The following ZNF592 variants were observed in gnomAD, a reference collection of about 807,000 sequenced individuals.
ZNF592 encodes zinc finger protein 592.
Under a neutral mutation model 80.3 loss-of-function variants are expected in ZNF592, and 11 were observed. That is an observed-to-expected ratio of 0.14 (90% CI 0.09 to 0.23). The LOEUF is 0.23. Ranked by LOEUF, ZNF592 falls within the 10% of genes least tolerant of loss-of-function variation. The probability of loss-of-function intolerance (pLI) is 1.00; values close to 1 mark genes in which losing one functional copy is unlikely to be tolerated. For missense variants in ZNF592, 1,420 were observed against 1,633.9 expected (o/e 0.87, Z 2.26); for synonymous variants, 646 against 640.3 (o/e 1.01, Z -0.13).
At position 84,791,090 on chromosome 15, in the gene ZNF592, CTT is replaced by C. The variant is rs200159731; in HGVS notation, c.2399+208_2399+209del. 9.0e-3 allele frequency among the ~76,000 whole-genome samples: 1,364 copies of C among 152,314 alleles called. 25 individuals carry two copies. Among genetic ancestry groups the C allele is most frequent in the African/African-American group, 0.031 (1,298 of 41,564 alleles). On this transcript the variant is annotated intron_variant, in intron 5 of 10. Coordinates refer to ENST00000560079, the MANE Select transcript of ZNF592 (RefSeq NM_014630.3). ...AGAGAAGAATAAGGAGTTTTAAAAACTTAAATATTAGAAAATTAGCTTTGAAG... is the reference window on the plus strand; with the variant it reads ...AGAGAAGAATAAGGAGTTTTAAAAACAAATATTAGAAAATTAGCTTTGAAG...
Position 84,784,131 on chromosome 15 carries a change from A to G in ZNF592, c.1456A>G (p.Thr486Ala), listed in dbSNP as rs778623228. 5.0e-6 allele frequency: 8 copies of G among 1,614,174 alleles called. No homozygotes were observed. Among genetic ancestry groups the G allele is most frequent in the South Asian group, 1.1e-5 (1 of 91,090 alleles). Residue 486 changes from threonine to alanine, a missense_variant, in exon 4 of 11, where the codon ACA becomes GCA. By Grantham distance (58) the Thr-to-Ala change is moderately conservative (BLOSUM62 0). Around this residue, in one of 7 missense-constraint regions of ZNF592, gnomAD observed 524 missense variants for 628.3 expected, o/e 0.83. Transcript: ENST00000560079. The surrounding 1 kb of genome is among the most constrained non-coding windows in gnomAD (Gnocchi z 5.8). ...ACAGACAGGCAAGAAGCAACAGAGC[A>G]CAGCACTGCAGGCATCCACCCTGGC... ...GSQTGKKQQS[T>A]ALQASTLAPA...
intron 1 of ZNF592, among the ~76,000 whole-genome samples, chr15:84,757,944 G>A (rs1899226562): frequency 6.6e-6 from 1 of 151,234 alleles, no homozygotes; most frequent in South Asian, 2.1e-4. Flanking sequence ...TTACAGGCGT[G>A]AGCCACTGTG....
Position 84,799,127 on chromosome 15 carries a change from T to C in ZNF592, c.3054T>C (p.Cys1018=). 6.2e-7 allele frequency: 1 copy of C among 1,614,174 alleles called. No homozygotes were observed. ...TGAAGCGGTACCCATGCCGGCAGTGTGAACAGTCCTTCCACACCCCCAACA... is the reference window on the plus strand; with the variant it reads ...TGAAGCGGTACCCATGCCGGCAGTGCGAACAGTCCTTCCACACCCCCAACA... The part of the protein sequence containing the change: ...RTLKRYPCRQ[C]EQSFHTPNSL... Residue 1018 remains cysteine, a synonymous_variant, in exon 9 of 11, where the codon TGT becomes TGC. Coordinates refer to ENST00000560079, the MANE Select transcript of ZNF592 (RefSeq NM_014630.3). The surrounding 1 kb of genome is among the most constrained non-coding windows in gnomAD (Gnocchi z 4.2).
In ZNF592 at chr15:84,803,107, G is replaced by A. The variant is rs1391636962; in HGVS notation, c.*714G>A. The A allele has an allele frequency of 6.6e-6, 1 of 152,448 alleles. No individual in the cohort carries two copies. Among genetic ancestry groups the A allele is most frequent in the Non-Finnish European group, 1.5e-5 (1 of 68,160 alleles). 9.4% of individuals were successfully genotyped at this position (152,448 alleles called of 1,614,324 possible). ...CAAGAACCAGACCCCTTGAGAAGGC[G>A]CTGTGGGTGGGTCTTTGTTCTGCTG... On this transcript the variant is annotated 3_prime_UTR_variant, in exon 11 of 11. Transcript: ENST00000560079.
chr15:84,797,795 C>T lies in ZNF592; in HGVS notation c.2400-74C>T. 2.6e-6 allele frequency: 4 copies of T among 1,556,114 alleles called. No individual in the cohort carries two copies. The South Asian group carries it at 3.3e-5, about 13-fold the overall frequency. ...GTTCTGTTCCTCTTCTCCATCCCTC[C>T]TCTTGCAGCACCACCTCTGGGTCCA... On this transcript the variant is annotated intron_variant, in intron 5 of 10. Coordinates refer to ENST00000560079, the MANE Select transcript of ZNF592 (RefSeq NM_014630.3).
At position 84,790,794 on chromosome 15, in the gene ZNF592, C is replaced by T; in HGVS notation, c.2310C>T (p.Cys770=). 6.2e-7 allele frequency: 1 copy of T among 1,614,216 alleles called. No homozygotes were observed. ...ATGCACACAAGTCCCCCTACTGCTGCCCGGAGTGTGGGGTCCTCTGCCGCT... is the reference window on the plus strand; with the variant it reads ...ATGCACACAAGTCCCCCTACTGCTGTCCGGAGTGTGGGGTCCTCTGCCGCT... ...RIHAHKSPYC[C]PECGVLCRSA... is the part of the protein sequence containing the mutation. Residue 770 remains cysteine (C), a synonymous_variant, in exon 5 of 11, where the codon TGC becomes TGT. Coordinates refer to ENST00000560079, the MANE Select transcript of ZNF592 (RefSeq NM_014630.3).
chr15:84,797,753 G>A, intron 5 of ZNF592, 116 bp from the exon 6 acceptor site: 1 of 1,199,876 alleles, frequency 8.3e-7, no homozygotes, highest in Middle Eastern at 1.9e-4. Flanking sequence ...TTGAGGGAGG[G>A]AGAAGGTGCC....
intron 1 of ZNF592, among the ~76,000 whole-genome samples, chr15:84,763,391 A>C (rs759901982): frequency 6.6e-5 from 10 of 152,188 alleles, no homozygotes; most frequent in Non-Finnish European, 1.3e-4. Context: ...CCCAACAGAA[A>C]CTGGTGGCCA....
At position 84,801,975 on chromosome 15, in the gene ZNF592, G is replaced by A; in HGVS notation, c.3386G>A (p.Cys1129Tyr). 1 of 1,614,008 alleles carries A rather than the reference G, an allele frequency of 6.2e-7. No individual in the cohort carries two copies. Among genetic ancestry groups the A allele is most frequent in the Non-Finnish European group, 8.5e-7 (1 of 1,179,878 alleles). ...AAGTCCCTTTTTCAGTGCGCGAAAT[G>A]TAGTTTTGCCACAGACTCGGGGCTC... ...RHKSLFQCAK[C>Y]SFATDSGLEF... Residue 1129 changes from cysteine to tyrosine, a missense_variant, in exon 11 of 11, where the codon TGT (cysteine) becomes TAT (tyrosine). Transcript: ENST00000560079.
Position 84,798,905 on chromosome 15 carries a change from A to G in ZNF592, c.3024+30A>G. The G allele has an allele frequency of 6.3e-7, 1 of 1,598,518 alleles. No individual in the cohort carries two copies. Among genetic ancestry groups the G allele is most frequent in the East Asian group, 2.2e-5 (1 of 44,856 alleles). The stretch of plus-strand genomic sequence containing the variant: ...GTGCAGCCACACAGTCATAATGCAG[A>G]GCCCAGTCCTCTGGACTTCCTTCTG... On this transcript the variant is annotated intron_variant, in intron 8 of 10. Coordinates refer to ENST00000560079, the MANE Select transcript of ZNF592 (RefSeq NM_014630.3). This position sits in a 1 kb window ranked among gnomAD's most constrained non-coding sequence, Gnocchi z 4.5.
At chr15:84,796,439 A>T (rs1962923972) in intron 5 of ZNF592, among the ~76,000 whole-genome samples, 1 of 151,608 alleles carries the variant, frequency 6.6e-6, no homozygotes, top group African/African-American at 2.4e-5. Flanking sequence ...AAAGGAAGAT[A>T]AAAAGGAAGA....
chr15:84,779,238 G>T (rs1057301086), intron 3 of ZNF592, among the ~76,000 whole-genome samples: 4 of 152,160 alleles, frequency 2.6e-5, no homozygotes, highest in African/African-American at 7.2e-5. Flanking sequence ...TCGGTAAATA[G>T]AACTTTTTTA....
At chr15:84,750,460 A>G (rs776371801) in intron 1 of ZNF592, among the ~76,000 whole-genome samples, 1 of 152,184 alleles carries the variant, frequency 6.6e-6, no homozygotes, top group Non-Finnish European at 1.5e-5. Context: ...AATAAAATAT[A>G]TAACAAAAAT....
intron 1 of ZNF592, among the ~76,000 whole-genome samples, chr15:84,761,375 G>A (rs562152872): frequency 6.6e-6 from 1 of 152,208 alleles, no homozygotes; most frequent in East Asian, 1.9e-4. Context: ...GAGAGGGCAA[G>A]GAAAGAGCAA....
At chr15:84,768,164 AG>A (rs1042066182) in intron 2 of ZNF592, among the ~76,000 whole-genome samples, 7 of 149,334 alleles carry the variant, frequency 4.7e-5, no homozygotes, top group African/African-American at 1.5e-4. Context: ...TTGGGATTAC[AG>A]CCACGAGCCA....
rs1963174027 is a variant in ZNF592, at chr15:84,803,993, A to G, written c.*1600A>G. 1 of 152,224 alleles carries G rather than the reference A, an allele frequency of 6.6e-6. No homozygotes were observed. The highest frequency in any genetic ancestry group is 6.5e-5 in the Admixed American group (1 of 15,284). The allele number at this position is 152,224 out of a possible 1,614,324, so 9.4% of individuals were successfully genotyped here. ...TCAATTATAAATTATTAAGTCAGAT[A>G]AATATGCCTGACCTTTTCACAGTTG... is the stretch of plus-strand genomic sequence containing the variant. On this transcript the variant is annotated 3_prime_UTR_variant, in exon 11 of 11. Coordinates refer to ENST00000560079, the MANE Select transcript of ZNF592 (RefSeq NM_014630.3).
At chr15:84,764,847 T>A (rs1425398366) in intron 2 of ZNF592, 32 bp downstream of exon 2, 4 of 398,838 alleles carry the variant, frequency 1.0e-5, no homozygotes, top group Non-Finnish European at 8.9e-6. Context: ...GAACTGGCCT[T>A]GAAAAGCCAA....
At position 84,790,944 on chromosome 15, in the gene ZNF592, A is replaced by C. The variant is rs544176589; in HGVS notation, c.2399+61A>C. On this transcript the variant is annotated intron_variant, in intron 5 of 10. Transcript: ENST00000560079. Reference sequence around the variant, plus strand: ...CAATGGCTGGTCCTTTTCCTAAGCCAGAACTCATTTCAGATAGTTTTGGTC... The same window carrying C: ...CAATGGCTGGTCCTTTTCCTAAGCCCGAACTCATTTCAGATAGTTTTGGTC... 2.5e-6 allele frequency: 4 copies of C among 1,606,018 alleles called. No individual in the cohort carries two copies. The South Asian group carries it at 4.4e-5, about 18-fold the overall frequency.
chr15:84,802,125 G>A lies in ZNF592; in HGVS notation c.3536G>A (p.Arg1179Lys). ...SRHLFIVHKV[R>K]DQEEEEEEEA... ...CACCTCTTCATTGTCCACAAGGTGAGAGACCAGGAGGAGGAGGAGGAAGAG... is the reference window on the plus strand; with the variant it reads ...CACCTCTTCATTGTCCACAAGGTGAAAGACCAGGAGGAGGAGGAGGAAGAG... The change falls in exon 11 of 11, where the codon AGA becomes AAA. Residue 1179 changes from arginine to lysine, a missense_variant. Physicochemically the swap from Arg to Lys is conservative, Grantham distance 26 (BLOSUM62 2). Coordinates refer to ENST00000560079, the MANE Select transcript of ZNF592 (RefSeq NM_014630.3). 6.2e-7 allele frequency: 1 copy of A among 1,609,986 alleles called. No homozygotes were observed. Among genetic ancestry groups the A allele is most frequent in the Non-Finnish European group, 8.5e-7 (1 of 1,177,260 alleles).
Sources: allele counts gnomAD v4.1 joint callset (sites outside exome capture counted in the v4.1 genomes callset), GRCh38; gene constraint gnomAD v4.1.1; regional missense constraint gnomAD v4.1.1; non-coding constraint Gnocchi (gnomAD v3.1); transcripts MANE v1.5; gene names NCBI Gene and HGNC (gene_info 2026-07-23, HGNC 2026-07-21).